The following CHRM3 variants were observed in gnomAD, a reference collection of about 807,000 sequenced individuals.
CHRM3 encodes the protein cholinergic receptor muscarinic 3, also known as muscarinic acetylcholine receptor M3.
A neutral mutation model predicts 41.8 loss-of-function variants in CHRM3; 11 were observed. That is an observed-to-expected ratio of 0.26 (90% CI 0.17 to 0.44). CHRM3 has a LOEUF of 0.44. CHRM3 is among the 20% of genes least tolerant of loss of function. The pLI, the probability that CHRM3 is intolerant of heterozygous loss-of-function variation, is 1.00. For synonymous variants in CHRM3, 297 were observed against 301.4 expected, an observed-to-expected ratio of 0.99 and a Z score of 0.15; for missense variants, 571 against 745.4, an observed-to-expected ratio of 0.77 and a Z score of 2.72.
intron 3 of CHRM3, among the ~76,000 whole-genome samples, chr1:239,589,212 G>C (rs1663790928): frequency 6.6e-6 from 1 of 152,106 alleles, no homozygotes; most frequent in Non-Finnish European, 1.5e-5. Context: ...GGGATTACAG[G>C]CGTGAGCCAC....
In CHRM3 at chr1:239,907,295, A is replaced by G. The variant is rs1680043156; in HGVS notation, c.-19-138A>G. ...AGACTCCACTTATTTAAAATAAGAG[A>G]ATGAACTTGATGTTTGGCTTCATAG... On this transcript the variant is annotated intron_variant, in intron 6 of 6. Coordinates refer to ENST00000676153, the MANE Select transcript of CHRM3 (RefSeq NM_001375978.1). This position sits in a 1 kb window ranked among gnomAD's most constrained non-coding sequence, Gnocchi z 5.4. The G allele has an allele frequency of 4.8e-6, 3 of 625,806 alleles. No individual in the cohort carries two copies. Among genetic ancestry groups the G allele is most frequent in the Non-Finnish European group, 8.3e-6 (3 of 361,190 alleles). 38.8% of individuals were successfully genotyped at this position (625,806 alleles called of 1,614,324 possible).
intron 1 of CHRM3, among the ~76,000 whole-genome samples, chr1:239,479,694 A>G (rs1160355115): frequency 2.0e-5 from 3 of 152,208 alleles, no homozygotes; most frequent in African/African-American, 7.2e-5. Flanking sequence ...TGAATGCTGT[A>G]AGCAATTGTA....
chr1:239,507,508 T>C (rs1191072751), intron 2 of CHRM3, among the ~76,000 whole-genome samples: 1 of 152,224 alleles, frequency 6.6e-6, no homozygotes, highest in African/African-American at 2.4e-5. Context: ...CTTTTGTAAA[T>C]TGCCTCATCT....
Position 239,674,724 on chromosome 1 carries a change from AAAAG to A in CHRM3, c.-249-3454_-249-3451del, listed in dbSNP as rs1353775625. On this transcript the variant is annotated intron_variant, in intron 4 of 6. Coordinates refer to ENST00000676153, the MANE Select transcript of CHRM3 (RefSeq NM_001375978.1). ...GACTCCATCTCAAAAAAAAAAAAAAAAAAGAAAGAAAAATCACTTAAGTATCAGA... is the reference window on the plus strand; with the variant it reads ...GACTCCATCTCAAAAAAAAAAAAAAAAAAGAAAAATCACTTAAGTATCAGA... Among the ~76,000 whole-genome samples the A allele has an allele frequency of 1.2e-4, 18 of 151,672 alleles. No individual in the cohort carries two copies. The East Asian group carries it at 1.7e-3, about 15-fold the overall frequency.
chr1:239,908,763 G>A lies in CHRM3; in HGVS notation c.1312G>A (p.Ala438Thr). 1 of 1,614,036 alleles carries A rather than the reference G, an allele frequency of 6.2e-7. No individual in the cohort carries two copies. The highest frequency in any genetic ancestry group is 8.5e-7 in the Non-Finnish European group (1 of 1,179,966). Residue 438 changes from alanine to threonine, a missense_variant, in exon 7 of 7, where the codon GCT becomes ACT. Transcript: ENST00000676153. This position sits in a 1 kb window ranked among gnomAD's most constrained non-coding sequence, Gnocchi z 7.2. ...CCAGCTAGAGTCAGCCGTGGACACA[G>A]CTAAGACTTCTGACGTCAACTCCTC... ...PIQLESAVDT[A>T]KTSDVNSSVG...
At chr1:239,895,718 C>G (rs987876274) in intron 6 of CHRM3, among the ~76,000 whole-genome samples, 1 of 152,062 alleles carries the variant, frequency 6.6e-6, no homozygotes, top group Non-Finnish European at 1.5e-5. Context: ...AATGCAAGAA[C>G]AGAAAACCAA....
chr1:239,488,750 A>G (rs943209611), intron 1 of CHRM3, among the ~76,000 whole-genome samples: 4 of 129,136 alleles, frequency 3.1e-5, no homozygotes. Context: ...AAAAAAAAAA[A>G]AGGGAATTAG....
At chr1:239,892,009 A>T (rs1361054409) in intron 6 of CHRM3, among the ~76,000 whole-genome samples, 5 of 152,170 alleles carry the variant, frequency 3.3e-5, no homozygotes, top group Non-Finnish European at 7.3e-5. Context: ...TGACCAAGAG[A>T]TGGTCTGTTC....
rs145865028 is a variant in CHRM3 at position 239,908,754 on chromosome 1, G to A, written c.1303G>A (p.Val435Met). ...SKLPIQLESA[V>M]DTAKTSDVNS... is the part of the protein sequence containing the mutation. The stretch of plus-strand genomic sequence containing the variant: ...GCTTCCCATCCAGCTAGAGTCAGCC[G>A]TGGACACAGCTAAGACTTCTGACGT... The change falls in exon 7 of 7, where the codon GTG becomes ATG. Residue 435 changes from valine (V) to methionine (M), a missense_variant. By Grantham distance (21) the Val-to-Met change is conservative (BLOSUM62 1). Transcript: ENST00000676153. The surrounding 1 kb of genome is among the most constrained non-coding windows in gnomAD (Gnocchi z 7.2). 1.6e-4 allele frequency: 264 copies of A among 1,613,850 alleles called. No homozygotes were observed. Among genetic ancestry groups the A allele is most frequent in the Middle Eastern group, 1.2e-3 (7 of 6,082 alleles).
chr1:239,867,855 C>T (rs1035700307), intron 6 of CHRM3, among the ~76,000 whole-genome samples: 2 of 152,184 alleles, frequency 1.3e-5, no homozygotes, highest in Non-Finnish European at 2.9e-5. Context: ...CAAAGGCAGC[C>T]TTGGACTGAG....
intron 5 of CHRM3, among the ~76,000 whole-genome samples, chr1:239,796,006 T>C (rs1406606357): frequency 6.6e-6 from 1 of 152,200 alleles, no homozygotes; most frequent in Non-Finnish European, 1.5e-5. Flanking sequence ...GGGAACACTT[T>C]TCTTGGAGTC....
At chr1:239,765,183 C>A (rs1667104604) in intron 5 of CHRM3, among the ~76,000 whole-genome samples, 1 of 152,086 alleles carries the variant, frequency 6.6e-6, no homozygotes, top group Non-Finnish European at 1.5e-5. Context: ...GTTGGGCCAC[C>A]CAGTCTTTTT....
chr1:239,761,666 C>T (rs528800163), intron 5 of CHRM3, among the ~76,000 whole-genome samples: 31 of 152,246 alleles, frequency 2.0e-4, no homozygotes, highest in Admixed American at 3.9e-4. Context: ...ATGCCTCATG[C>T]GCTAGGGGGC....
chr1:239,557,476 CTTATT>C (rs959354273), intron 3 of CHRM3, among the ~76,000 whole-genome samples: 1 of 152,124 alleles, frequency 6.6e-6, no homozygotes, highest in Non-Finnish European at 1.5e-5. Flanking sequence ...AATCCAGACA[CTTATT>C]TTATTTTATA....
At chr1:239,866,773 A>C (rs1046725990) in intron 6 of CHRM3, among the ~76,000 whole-genome samples, 2 of 152,240 alleles carry the variant, frequency 1.3e-5, no homozygotes, top group Non-Finnish European at 2.9e-5. Flanking sequence ...GGAATAAAAT[A>C]CTAGCTCTTC....
intron 5 of CHRM3, among the ~76,000 whole-genome samples, chr1:239,759,097 C>T (rs1437133040): frequency 1.3e-5 from 2 of 148,378 alleles, no homozygotes; most frequent in Non-Finnish European, 1.5e-5. Context: ...ATACCTAAAG[C>T]AAAAAAGCAG....
Position 239,907,457 on chromosome 1 carries a change from C to T in CHRM3, c.6C>T (p.Thr2=), listed in dbSNP as rs773934361. The change falls in exon 7 of 7, where the codon ACC becomes ACT. Residue 2 remains threonine (T), a synonymous_variant. Coordinates refer to ENST00000676153, the MANE Select transcript of CHRM3 (RefSeq NM_001375978.1). The surrounding 1 kb of genome is among the most constrained non-coding windows in gnomAD (Gnocchi z 5.4). M[T]LHNNSTTSPL... is the part of the protein sequence containing the mutation. ...GACTATGTCAGAGAGTCACAATGAC[C>T]TTGCACAATAACAGTACAACCTCGC... 1.2e-6 allele frequency: 2 copies of T among 1,612,238 alleles called. No homozygotes were observed. The highest frequency in any genetic ancestry group is 1.1e-5 in the South Asian group (1 of 90,890).
At chr1:239,676,533 T>C (rs558215311) in intron 4 of CHRM3, among the ~76,000 whole-genome samples, 6 of 152,338 alleles carry the variant, frequency 3.9e-5, no homozygotes, top group African/African-American at 9.6e-5. Flanking sequence ...GCATTCACTG[T>C]CAAGAAATAG....
chr1:239,570,047 T>C (rs1175089200), intron 3 of CHRM3, among the ~76,000 whole-genome samples: 1 of 152,138 alleles, frequency 6.6e-6, no homozygotes, highest in Non-Finnish European at 1.5e-5. Context: ...TCAGGGTGAT[T>C]GATATGGTTT....
Sources: allele counts gnomAD v4.1 joint callset (sites outside exome capture counted in the v4.1 genomes callset), GRCh38; gene constraint gnomAD v4.1.1; non-coding constraint Gnocchi (gnomAD v3.1); transcripts MANE v1.5; gene names NCBI Gene and HGNC (gene_info 2026-07-23, HGNC 2026-07-21).